The following CIMIP7 variants were observed in gnomAD, a reference collection of about 807,000 sequenced individuals.
The protein encoded by CIMIP7 is ciliary microtubule inner protein 7, also known as uncharacterized protein C3orf84.
the CIMIP7 span, chr3:49,177,909 G>A: frequency 1.9e-6 from 3 of 1,613,826 alleles, no homozygotes; most frequent in Non-Finnish European, 2.5e-6. Flanking sequence ...GGCCTGGCCT[G>A]AAATCAGCCT....
chr3:49,184,396 G>A, the CIMIP7 span, among the ~76,000 whole-genome samples: 156 of 152,162 alleles, frequency 1.0e-3, no homozygotes, highest in Non-Finnish European at 1.5e-3. Flanking sequence ...ATTTTGGCTT[G>A]CTGCAACCTC....
chr3:49,190,146 A>C, the CIMIP7 span: 2 of 1,585,112 alleles, frequency 1.3e-6, no homozygotes, highest in Non-Finnish European at 1.7e-6. Context: ...GTGCTATAAC[A>C]AGACAGGAAT....
the CIMIP7 span, among the ~76,000 whole-genome samples, chr3:49,185,213 A>T: frequency 6.6e-6 from 1 of 150,670 alleles, no homozygotes; most frequent in Non-Finnish European, 1.5e-5. Flanking sequence ...GTGAGCCGAG[A>T]TCACGACACT....
At chr3:49,187,126 C>T in the CIMIP7 span, among the ~76,000 whole-genome samples, 1 of 152,120 alleles carries the variant, frequency 6.6e-6, no homozygotes, top group Admixed American at 6.5e-5. Flanking sequence ...TTATTGACGC[C>T]CAATGAGTTT....
chr3:49,188,488 AGAG>A, the CIMIP7 span, among the ~76,000 whole-genome samples: 2 of 152,106 alleles, frequency 1.3e-5, no homozygotes, highest in East Asian at 3.9e-4. Flanking sequence ...AGGAAAAGAG[AGAG>A]GAGGTGTTTC....
chr3:49,189,094 C>T, the CIMIP7 span, among the ~76,000 whole-genome samples: 3 of 151,948 alleles, frequency 2.0e-5, no homozygotes, highest in Admixed American at 6.6e-5. Flanking sequence ...CTTAGCCTCC[C>T]GAATAGCTGG....
At chr3:49,187,768 T>C in the CIMIP7 span, among the ~76,000 whole-genome samples, 2 of 152,178 alleles carry the variant, frequency 1.3e-5, no homozygotes, top group East Asian at 3.8e-4. Context: ...TCTCAGCCAG[T>C]GCAAAAAGAA....
chr3:49,180,688 T>C, the CIMIP7 span, among the ~76,000 whole-genome samples: 1 of 152,030 alleles, frequency 6.6e-6, no homozygotes, highest in Non-Finnish European at 1.5e-5. Context: ...CCCAGCACTT[T>C]GGGAGGCCGA....
the CIMIP7 span, among the ~76,000 whole-genome samples, chr3:49,186,070 G>C: frequency 7.1e-6 from 1 of 140,608 alleles, no homozygotes; most frequent in Non-Finnish European, 1.5e-5. Flanking sequence ...GCGCAATCTC[G>C]GCTCACCACA....
the CIMIP7 span, chr3:49,178,068 G>T: frequency 6.4e-7 from 1 of 1,556,612 alleles, no homozygotes. Flanking sequence ...CAACGGTATG[G>T]GCCCTTGGCC....
the CIMIP7 span, among the ~76,000 whole-genome samples, chr3:49,190,640 C>A: frequency 6.7e-6 from 1 of 150,322 alleles, no homozygotes; most frequent in Non-Finnish European, 1.5e-5. Flanking sequence ...AGACTACAGG[C>A]GCCCACTATC....
the CIMIP7 span, among the ~76,000 whole-genome samples, chr3:49,188,475 T>C: frequency 2.0e-5 from 3 of 152,140 alleles, no homozygotes. Context: ...TGGGAGGACA[T>C]GGAGGAAAAG....
the CIMIP7 span, chr3:49,191,600 T>C: frequency 4.6e-6 from 4 of 863,052 alleles, no homozygotes; most frequent in Non-Finnish European, 7.8e-6. Flanking sequence ...GACCTCAAGA[T>C]GGTGGAGAGG....
At chr3:49,190,333 T>C in the CIMIP7 span, among the ~76,000 whole-genome samples, 3 of 152,120 alleles carry the variant, frequency 2.0e-5, no homozygotes, top group East Asian at 1.9e-4. Flanking sequence ...TCATCCATCA[T>C]TGGGACAGTT....
At chr3:49,177,989 G>A in the CIMIP7 span, 4 of 1,612,834 alleles carry the variant, frequency 2.5e-6, no homozygotes, top group South Asian at 4.4e-5. Flanking sequence ...AGGAAGGTGT[G>A]CCGCTGCCAC....
At chr3:49,190,455 T>G in the CIMIP7 span, among the ~76,000 whole-genome samples, 2 of 151,728 alleles carry the variant, frequency 1.3e-5, no homozygotes, top group Non-Finnish European at 2.9e-5. Context: ...GGTCCTTCCC[T>G]AAAGAGCCTG....
the CIMIP7 span, among the ~76,000 whole-genome samples, chr3:49,184,533 T>C: frequency 1.3e-5 from 2 of 152,098 alleles, no homozygotes; most frequent in Admixed American, 1.3e-4. Flanking sequence ...ATTGCCCTGG[T>C]TGGTCTTGAA....
chr3:49,181,576 T>A, the CIMIP7 span, among the ~76,000 whole-genome samples: 1 of 152,110 alleles, frequency 6.6e-6, no homozygotes, highest in Non-Finnish European at 1.5e-5. Flanking sequence ...AAGGATCACA[T>A]GAGCTTAAGA....
chr3:49,178,078 C>T, the CIMIP7 span: 21 of 1,546,608 alleles, frequency 1.4e-5, no homozygotes, highest in African/African-American at 2.7e-5. Context: ...GGCCCTTGGC[C>T]CACATTCCTG....
Sources: allele counts gnomAD v4.1 joint callset (sites outside exome capture counted in the v4.1 genomes callset), GRCh38; gene constraint gnomAD v4.1.1; transcripts MANE v1.5; gene names NCBI Gene and HGNC (gene_info 2026-07-23, HGNC 2026-07-21).